HHLA1: variants seen among roughly 807,000 people sequenced by gnomAD.
HHLA1 encodes the protein HERV-H LTR-associating protein 1.
In HHLA1, 72 loss-of-function variants were observed where a neutral mutation model predicts 69.9. That is an observed-to-expected ratio of 1.03 (90% confidence interval 0.85 to 1.25). The LOEUF is 1.25. HHLA1 is among the 50% of genes most tolerant of loss of function. HHLA1 has a pLI of 0.00. For synonymous variants in HHLA1, 252 were observed against 233.2 expected, an observed-to-expected ratio of 1.08 and a Z score of -0.73; for missense variants, 685 against 642.2, an observed-to-expected ratio of 1.07 and a Z score of -0.72.
chr8:132,070,825 T>C (rs1026241341), intron 15 of HHLA1, among the ~76,000 whole-genome samples: 1 of 148,310 alleles, frequency 6.7e-6, no homozygotes, highest in Non-Finnish European at 1.5e-5. Flanking sequence ...ACTCAAGTCA[T>C]CTCAACTTAA....
intron 5 of HHLA1, 71 bp from the exon 6 acceptor site, chr8:132,095,857 A>G (rs1824018108): frequency 4.5e-6 from 4 of 884,910 alleles, no homozygotes; most frequent in South Asian, 4.3e-5. Context: ...ATAAGTAAAC[A>G]GTCCCTAGAA....
At chr8:132,092,143 T>C (rs1216033330) in intron 7 of HHLA1, among the ~76,000 whole-genome samples, 1 of 152,170 alleles carries the variant, frequency 6.6e-6, no homozygotes, top group African/African-American at 2.4e-5. Flanking sequence ...GATTATAAAA[T>C]TGCATAAAAA....
chr8:132,071,097 A>G (rs1823532183), intron 15 of HHLA1, among the ~76,000 whole-genome samples: 1 of 152,138 alleles, frequency 6.6e-6, no homozygotes, highest in Admixed American at 6.5e-5. Context: ...ACTCAATTAT[A>G]CTTATTGTGT....
intron 15 of HHLA1, among the ~76,000 whole-genome samples, chr8:132,069,235 C>T (rs559398046): frequency 6.6e-6 from 1 of 152,290 alleles, no homozygotes; most frequent in South Asian, 2.1e-4. Flanking sequence ...ACTCCTATTC[C>T]TCCATAAAGC....
chr8:132,084,470 C>G (rs1000543411), intron 10 of HHLA1, among the ~76,000 whole-genome samples: 1 of 152,056 alleles, frequency 6.6e-6, no homozygotes, highest in South Asian at 2.1e-4. Context: ...AATGCCTGGA[C>G]GTCAGGCACC....
At chr8:132,079,489 G>A (rs1376672069) in intron 11 of HHLA1, among the ~76,000 whole-genome samples, 1 of 152,156 alleles carries the variant, frequency 6.6e-6, no homozygotes, top group Admixed American at 6.5e-5. Context: ...AGAATAAAAA[G>A]GCATCAAAAT....
intron 10 of HHLA1, among the ~76,000 whole-genome samples, chr8:132,084,161 T>A (rs1285569247): frequency 3.3e-5 from 5 of 151,982 alleles, no homozygotes; most frequent in Admixed American, 2.0e-4. Flanking sequence ...GCTGGGCAGG[T>A]GGGGGAGGGC....
chr8:132,095,847 A>G, intron 5 of HHLA1, 61 bp from the exon 6 acceptor site: 11 of 988,432 alleles, frequency 1.1e-5, no homozygotes, highest in Non-Finnish European at 1.6e-5. Context: ...AATAATACAA[A>G]TAAGTAAACA....
intron 3 of HHLA1, among the ~76,000 whole-genome samples, chr8:132,103,235 C>T (rs1824141543): frequency 6.6e-6 from 1 of 152,198 alleles, no homozygotes; most frequent in African/African-American, 2.4e-5. Flanking sequence ...GAAAGGGAAG[C>T]TGTTGGCTGG....
In HHLA1 at chr8:132,089,534, ACTTAAAAATCT is replaced by A; in HGVS notation, c.503_513del (p.Glu168ValfsTer12). ...AACACACCTGAGAGGATGGAGGTTG[ACTTAAAAATCT>A]CTGTGAGGTAGCTGGTAGAATTGCC... is the stretch of plus-strand genomic sequence containing the variant. On this transcript the variant is annotated frameshift_variant, in exon 8 of 17. Coordinates refer to ENST00000414222, the MANE Select transcript of HHLA1 (RefSeq NM_001145095.3). LOFTEE classifies it high-confidence loss of function. 1 of 1,522,142 alleles carries A rather than the reference ACTTAAAAATCT, an allele frequency of 6.6e-7. No homozygotes were observed. The highest frequency in any genetic ancestry group is 8.9e-7 in the Non-Finnish European group (1 of 1,119,956). 94.3% of individuals were successfully genotyped at this position (1,522,142 alleles called of 1,614,324 possible).
Position 132,077,900 on chromosome 8 carries a change from G to C in HHLA1, c.997C>G (p.Pro333Ala). 6.4e-7 allele frequency: 1 copy of C among 1,551,582 alleles called. No homozygotes were observed. Among genetic ancestry groups the C allele is most frequent in the Non-Finnish European group, 8.7e-7 (1 of 1,146,944 alleles). The stretch of plus-strand genomic sequence containing the variant: ...TTCTCACTGATGGTCTGAGCCCAGG[G>C]CACGGACGATATGGAAGCCCACGTC... ...RQTWASISSV[P>A]WAQTISEKKP... The change falls in exon 12 of 17, where the codon CCC becomes GCC. Residue 333 changes from proline to alanine, a missense_variant. Coordinates refer to ENST00000414222, the MANE Select transcript of HHLA1 (RefSeq NM_001145095.3).
At chr8:132,085,000 A>C (rs1157605713) in intron 10 of HHLA1, among the ~76,000 whole-genome samples, 2 of 151,500 alleles carry the variant, frequency 1.3e-5, no homozygotes, top group Non-Finnish European at 2.9e-5. Context: ...GAAGGGGTTG[A>C]GGGGTATTTG....
At chr8:132,078,010 C>G (rs1403796283) in intron 11 of HHLA1, 39 bp from the exon 12 acceptor site, 2 of 1,541,638 alleles carry the variant, frequency 1.3e-6, no homozygotes, top group Admixed American at 3.9e-5. Context: ...TACAGACATG[C>G]TTGACCACTT....
chr8:132,083,635 C>T (rs2978254), intron 10 of HHLA1, among the ~76,000 whole-genome samples: 102,581 of 151,808 alleles, frequency 0.68, 35,048 homozygotes, highest in African/African-American at 0.76. Flanking sequence ...AGATGGGACG[C>T]GGCTTAGGAG....
chr8:132,100,803 C>A (rs1296268250), intron 3 of HHLA1, among the ~76,000 whole-genome samples: 1 of 152,096 alleles, frequency 6.6e-6, no homozygotes, highest in African/African-American at 2.4e-5. Context: ...AGGGCACTAG[C>A]CTGGTGTCAG....
At chr8:132,084,889 G>T (rs377383844) in intron 10 of HHLA1, among the ~76,000 whole-genome samples, 2 of 151,798 alleles carry the variant, frequency 1.3e-5, no homozygotes, top group Non-Finnish European at 2.9e-5. Flanking sequence ...GGTTCTTGCC[G>T]CCTAGGAAAG....
In HHLA1 at chr8:132,104,085, A is replaced by G. The variant is rs531356346; in HGVS notation, c.139+23T>C. ...TTTGCCCAAGAACAGTGAGCTGAAA[A>G]GGAGCCCTTATCACCCACTTACCTG... On this transcript the variant is annotated intron_variant, in intron 3 of 16. Transcript: ENST00000414222. 3.3e-5 allele frequency: 50 copies of G among 1,534,146 alleles called. No homozygotes were observed. The East Asian group carries it at 1.2e-3, about 35-fold the overall frequency.
intron 12 of HHLA1, 113 bp downstream of exon 12, chr8:132,077,613 T>G (rs1160049334): frequency 9.5e-7 from 1 of 1,054,084 alleles, no homozygotes; most frequent in Non-Finnish European, 1.4e-6. Flanking sequence ...TCATTATGTT[T>G]TCTTAGTTTT....
intron 3 of HHLA1, among the ~76,000 whole-genome samples, chr8:132,101,931 CA>C (rs1350010437): frequency 6.6e-6 from 1 of 152,354 alleles, no homozygotes; most frequent in Admixed American, 6.5e-5. Flanking sequence ...TTATGTTGTA[CA>C]GCAGCTCTTT....
Sources: gnomAD v4.1 joint callset for allele counts (sites outside exome capture counted in the v4.1 genomes callset) on GRCh38, gnomAD v4.1.1 for gene constraint, MANE v1.5 for transcripts, NCBI Gene and HGNC (gene_info 2026-07-23, HGNC 2026-07-21) for gene names.